The following GUCY1A2 variants were observed in gnomAD, a reference collection of about 807,000 sequenced individuals.
The protein encoded by GUCY1A2 is guanylate cyclase soluble subunit alpha-2.
A neutral mutation model predicts 63.5 loss-of-function variants in GUCY1A2; 27 were observed. The observed-to-expected ratio is 0.43, with a 90% CI of 0.31 to 0.59. GUCY1A2 has a LOEUF of 0.59. Ranked by LOEUF, GUCY1A2 falls within the 20% of genes least tolerant of loss-of-function variation. The probability of loss-of-function intolerance (pLI) is 0.11; values close to 1 mark genes in which losing one functional copy is unlikely to be tolerated. For synonymous variants in GUCY1A2, 364 were observed against 343.5 expected (o/e 1.06, Z -0.66); for missense variants, 768 against 913.3 (o/e 0.84, Z 2.05).
At chr11:106,813,787 G>A (rs1021588782) in intron 4 of GUCY1A2, among the ~76,000 whole-genome samples, 1 of 152,082 alleles carries the variant, frequency 6.6e-6, no homozygotes, top group East Asian at 1.9e-4. Flanking sequence ...TGATAATGAT[G>A]TTGAGGAGGA....
chr11:106,969,069 G>A (rs920713558), intron 3 of GUCY1A2, among the ~76,000 whole-genome samples: 1 of 152,116 alleles, frequency 6.6e-6, no homozygotes, highest in Non-Finnish European at 1.5e-5. Flanking sequence ...GAAAATAAGA[G>A]ATTAATATTT....
intron 4 of GUCY1A2, among the ~76,000 whole-genome samples, chr11:106,864,656 G>T (rs367566054): frequency 6.6e-6 from 1 of 152,112 alleles, no homozygotes; most frequent in East Asian, 1.9e-4. Context: ...GGCCTTTTCT[G>T]CATCTATTGA....
chr11:106,809,442 T>C (rs1858735023), intron 5 of GUCY1A2, among the ~76,000 whole-genome samples: 1 of 152,156 alleles, frequency 6.6e-6, no homozygotes, highest in African/African-American at 2.4e-5. Flanking sequence ...TTTTCCATTA[T>C]GTAGCTTGGA....
intron 1 of GUCY1A2, among the ~76,000 whole-genome samples, chr11:107,005,409 A>G (rs911552309): frequency 3.9e-5 from 6 of 152,122 alleles, no homozygotes; most frequent in African/African-American, 1.4e-4. Flanking sequence ...AATATCCAGG[A>G]CCACAGGTGC....
chr11:106,977,356 G>T (rs112680804), intron 3 of GUCY1A2, among the ~76,000 whole-genome samples: 3 of 152,056 alleles, frequency 2.0e-5, no homozygotes, highest in African/African-American at 7.2e-5. Context: ...AGATTTACTT[G>T]GGTATTGTGA....
At position 107,017,854 on chromosome 11, in the gene GUCY1A2, C is replaced by T. The variant is rs1861846770; in HGVS notation, c.202G>A (p.Ala68Thr). 2 of 1,254,658 alleles carry T rather than the reference C, an allele frequency of 1.6e-6. No individual in the cohort carries two copies. Among genetic ancestry groups the T allele is most frequent in the African/African-American group, 1.6e-5 (1 of 64,318 alleles). 77.7% of individuals were successfully genotyped at this position (1,254,658 alleles called of 1,614,324 possible). A position where few individuals can be genotyped will look rare whatever the true frequency, so the allele number is the denominator to read the frequency against. The change falls in exon 1 of 8, where the codon GCC becomes ACC. Residue 68 changes from alanine (A) to threonine (T), a missense_variant. Ala to Thr is a moderately conservative substitution (Grantham distance 58). This residue lies in a region of GUCY1A2 where 496 missense variants were observed against 486.9 expected (regional missense o/e 1.02). Coordinates refer to ENST00000526355, the MANE Select transcript of GUCY1A2 (RefSeq NM_000855.3). Reference sequence around the variant, plus strand: ...GCCCCGGCAGTGGCAGCGGCGGCGGCGGCAGAAGCAGCCGGGGTCGGGGCC... The same window carrying T: ...GCCCCGGCAGTGGCAGCGGCGGCGGTGGCAGAAGCAGCCGGGGTCGGGGCC... ...APAPTPAASA[A>T]AAAATAGARR... is the part of the protein sequence containing the mutation.
intron 6 of GUCY1A2, among the ~76,000 whole-genome samples, chr11:106,760,916 G>C (rs143576404): frequency 3.9e-4 from 59 of 152,176 alleles, no homozygotes; most frequent in African/African-American, 1.4e-3. Flanking sequence ...AGATTAAAAA[G>C]GAAACAGTAA....
chr11:106,959,417 T>C (rs1861031832), intron 3 of GUCY1A2, among the ~76,000 whole-genome samples: 2 of 152,234 alleles, frequency 1.3e-5, no homozygotes, highest in Admixed American at 6.5e-5. Context: ...TACTCACACA[T>C]ATTTTATGTA....
intron 6 of GUCY1A2, among the ~76,000 whole-genome samples, chr11:106,714,990 GA>G (rs539613361): frequency 1.3e-5 from 2 of 151,640 alleles, no homozygotes; most frequent in Admixed American, 6.6e-5. Flanking sequence ...AGTGTTCATG[GA>G]AAAAAAATAT....
chr11:107,014,079 CTTTTTTTTTTTTTTTT>C (rs71044206), intron 1 of GUCY1A2, among the ~76,000 whole-genome samples: 1 of 70,018 alleles, frequency 1.4e-5, no homozygotes, highest in Non-Finnish European at 2.5e-5. Context: ...CCATGTTTTC[CTTTTTTTTTTTTTTTT>C]TTTTTTTTTT....
chr11:106,722,696 A>C (rs1467255797), intron 6 of GUCY1A2, among the ~76,000 whole-genome samples: 1 of 152,152 alleles, frequency 6.6e-6, no homozygotes, highest in Non-Finnish European at 1.5e-5. Flanking sequence ...TCAAGCAAAC[A>C]AAAGAAAAAA....
chr11:106,978,650 T>G lies in GUCY1A2; in HGVS notation c.456A>C (p.Ser152=), dbSNP rs202206887. The G allele has an allele frequency of 8.9e-5, 137 of 1,540,100 alleles. No individual in the cohort carries two copies. The highest frequency in any genetic ancestry group is 1.1e-4 in the Non-Finnish European group (122 of 1,113,216). Residue 152 remains serine, a synonymous_variant, in exon 3 of 8, where the codon TCA becomes TCC. Transcript: ENST00000526355. ...TATTAGCAGTACACTGAAGAATTCC[T>G]GAGACATCTTCAATTTCTTCTTTGT... The part of the protein sequence containing the change: ...HSNKEEIEDV[S]GILQCTANIL...
At chr11:106,855,477 CT>C (rs58864167) in intron 4 of GUCY1A2, among the ~76,000 whole-genome samples, 1 of 151,594 alleles carries the variant, frequency 6.6e-6, no homozygotes, top group South Asian at 2.1e-4. Context: ...TGTTTTGGTC[CT>C]TTTTTTTGTG....
At chr11:107,004,106 G>A (rs1223550797) in intron 1 of GUCY1A2, among the ~76,000 whole-genome samples, 1 of 152,108 alleles carries the variant, frequency 6.6e-6, no homozygotes, top group Non-Finnish European at 1.5e-5. Flanking sequence ...AATGATTGAG[G>A]GCTGACTGTC....
intron 4 of GUCY1A2, among the ~76,000 whole-genome samples, chr11:106,936,939 C>G (rs922828229): frequency 3.3e-5 from 5 of 152,066 alleles, no homozygotes; most frequent in African/African-American, 1.2e-4. Flanking sequence ...AAGACAAAGT[C>G]AAATTTATCA....
At chr11:106,943,400 GCT>G (rs1860777016) in intron 3 of GUCY1A2, among the ~76,000 whole-genome samples, 1 of 152,200 alleles carries the variant, frequency 6.6e-6, no homozygotes, top group Admixed American at 6.5e-5. Flanking sequence ...TAACAAAGCT[GCT>G]CTTATTAATG....
At chr11:107,006,494 G>A (rs1444246070) in intron 1 of GUCY1A2, among the ~76,000 whole-genome samples, 1 of 152,144 alleles carries the variant, frequency 6.6e-6, no homozygotes, top group Non-Finnish European at 1.5e-5. Flanking sequence ...ATTTTTCAAG[G>A]AAAACAAGAC....
intron 4 of GUCY1A2, among the ~76,000 whole-genome samples, chr11:106,910,984 T>G (rs1860286091): frequency 6.6e-6 from 1 of 151,936 alleles, no homozygotes; most frequent in Non-Finnish European, 1.5e-5. Flanking sequence ...AACTAACATT[T>G]CCTCCAGGGC....
At chr11:106,984,380 T>C (rs1395708845) in intron 2 of GUCY1A2, among the ~76,000 whole-genome samples, 1 of 152,138 alleles carries the variant, frequency 6.6e-6, no homozygotes, top group African/African-American at 2.4e-5. Flanking sequence ...CCACAGACCA[T>C]GTCTACATAG....
Sources: allele counts gnomAD v4.1 joint callset (sites outside exome capture counted in the v4.1 genomes callset), GRCh38; gene constraint gnomAD v4.1.1; regional missense constraint gnomAD v4.1.1; transcripts MANE v1.5; gene names NCBI Gene and HGNC (gene_info 2026-07-23, HGNC 2026-07-21).